LPCAT3: variants seen among roughly 807,000 people sequenced by gnomAD.
LPCAT3 encodes the protein lysophospholipid acyltransferase 5.
In LPCAT3, 21 loss-of-function variants were observed where a neutral mutation model predicts 63.4. That is an observed-to-expected ratio of 0.33 (90% CI 0.23 to 0.48). LPCAT3 has a LOEUF of 0.48. Among genes scored for constraint, LPCAT3 ranks in the 20% least tolerant of loss-of-function variants. The pLI is 0.99. For synonymous variants in LPCAT3, 242 were observed against 227.5 expected, an observed-to-expected ratio of 1.06 and a Z score of -0.58; for missense variants, 451 against 590.6, an observed-to-expected ratio of 0.76 and a Z score of 2.45.
intron 6 of LPCAT3, 46 bp from the exon 7 acceptor site, chr12:6,979,625 A>G (rs782269664): frequency 7.5e-7 from 1 of 1,331,772 alleles, no homozygotes; most frequent in Non-Finnish European, 1.1e-6. Flanking sequence ...AGCAGAGACT[A>G]TTCCCTTCAC....
rs150449667 is a variant in LPCAT3 at position 6,999,380 on chromosome 12, A to T, written c.152-15841T>A. Among the ~76,000 whole-genome samples the T allele has an allele frequency of 2.5e-3, 378 of 152,340 alleles. 2 individuals carry two copies. The highest frequency in any genetic ancestry group is 8.2e-3 in the African/African-American group (339 of 41,586). ...GGACATTTTAAAGGTAAGCTATTGG[A>T]TAGTTGTTACCTGTGAGAAAGAAAG... On this transcript the variant is annotated intron_variant, in intron 1 of 12. Coordinates refer to ENST00000261407, the MANE Select transcript of LPCAT3 (RefSeq NM_005768.6).
chr12:6,978,249 G>A (rs1472569916), intron 9 of LPCAT3, 92 bp downstream of exon 9: 46 of 1,429,360 alleles, frequency 3.2e-5, no homozygotes, highest in Middle Eastern at 2.6e-4. Context: ...TGGGAAAGAC[G>A]CATAGGGGTG....
At chr12:6,993,915 A>G (rs1555155789) in intron 1 of LPCAT3, among the ~76,000 whole-genome samples, 3 of 152,120 alleles carry the variant, frequency 2.0e-5, no homozygotes, top group Non-Finnish European at 2.9e-5. Context: ...CCCAGCCTGG[A>G]TACTCTGCAT....
rs1946544433 is a variant in LPCAT3, at chr12:6,987,962, T to C, written c.152-4423A>G. ...CTACTCTGGGATCAACAGTCACCTC[T>C]TGAACTTTTGGGGTGCTTGGCAATA... On this transcript the variant is annotated intron_variant, in intron 1 of 12. Transcript: ENST00000261407. This position sits in a 1 kb window ranked among gnomAD's most constrained non-coding sequence, Gnocchi z 4.1. The C allele has an allele frequency of 1.0e-5, 4 of 397,670 alleles. No individual in the cohort carries two copies. The highest frequency in any genetic ancestry group is 3.1e-4 in the Middle Eastern group (1 of 3,212). The allele number at this position is 397,670 out of a possible 1,614,324, so 24.6% of individuals were successfully genotyped here. A position where few individuals can be genotyped will look rare whatever the true frequency, so the allele number is the denominator to read the frequency against.
Position 6,977,767 on chromosome 12 carries a change from GC to G in LPCAT3, c.1041-23del, listed in dbSNP as rs1555153503. 1.9e-6 allele frequency: 3 copies of G among 1,613,410 alleles called. No homozygotes were observed. Among genetic ancestry groups the G allele is most frequent in the Admixed American group, 1.7e-5 (1 of 59,996 alleles). On this transcript the variant is annotated intron_variant, in intron 9 of 12. Coordinates refer to ENST00000261407, the MANE Select transcript of LPCAT3 (RefSeq NM_005768.6). The surrounding 1 kb of genome is among the most constrained non-coding windows in gnomAD (Gnocchi z 4.5). ...GTAGCTGGAGAAAAGGGTGGGTGGG[GC>G]GACCCTCAAACTGACTGGTCCTTGC... is the stretch of plus-strand genomic sequence containing the variant.
Position 6,977,718 on chromosome 12 carries a change from A to C in LPCAT3, c.1068T>G (p.Leu356=). The part of the protein sequence containing the change: ...ARYIFKRLKF[L]GNKELSQGLS... ...GACCCTGAGAGAGTTCTTTATTTCC[A>C]AGGAACTTGAGTCGTTTGAAGATGT... Residue 356 remains leucine (L), a synonymous_variant, in exon 10 of 13, where the codon CTT becomes CTG. Coordinates refer to ENST00000261407, the MANE Select transcript of LPCAT3 (RefSeq NM_005768.6). This position sits in a 1 kb window ranked among gnomAD's most constrained non-coding sequence, Gnocchi z 4.5. 1.9e-6 allele frequency: 3 copies of C among 1,614,178 alleles called. No individual in the cohort carries two copies. Among genetic ancestry groups the C allele is most frequent in the Non-Finnish European group, 2.5e-6 (3 of 1,180,038 alleles).
chr12:7,016,578 A>C (rs1019667024), intron 1 of LPCAT3, among the ~76,000 whole-genome samples: 2 of 152,096 alleles, frequency 1.3e-5, no homozygotes, highest in Non-Finnish European at 2.9e-5. Context: ...CGCCTGGCCT[A>C]ATTTTTTGTA....
Position 7,013,306 on chromosome 12 carries a change from C to T in LPCAT3, c.151+4968G>A, listed in dbSNP as rs782331464. 2.0e-5 allele frequency among the ~76,000 whole-genome samples: 3 copies of T among 152,248 alleles called. No homozygotes were observed. The East Asian group carries it at 5.8e-4, about 29-fold the overall frequency. On this transcript the variant is annotated intron_variant, in intron 1 of 12. Coordinates refer to ENST00000261407, the MANE Select transcript of LPCAT3 (RefSeq NM_005768.6). ...TAAAAGGTTGTCAGCTTGCTTGGGACGAGGCTGGGGCAGCAGGCAGGGGCT... is the reference window on the plus strand; with the variant it reads ...TAAAAGGTTGTCAGCTTGCTTGGGATGAGGCTGGGGCAGCAGGCAGGGGCT...
intron 7 of LPCAT3, 24 bp from the exon 8 acceptor site, chr12:6,978,713 A>G (rs782474568): frequency 6.2e-7 from 1 of 1,613,258 alleles, no homozygotes; most frequent in Non-Finnish European, 8.5e-7. Context: ...AGCACAGTGC[A>G]TTAGGGATAT....
At position 6,981,600 on chromosome 12, in the gene LPCAT3, C is replaced by G; in HGVS notation, c.493G>C (p.Asp165His). 1 of 1,614,088 alleles carries G rather than the reference C, an allele frequency of 6.2e-7. No individual in the cohort carries two copies. Among genetic ancestry groups the G allele is most frequent in the Non-Finnish European group, 8.5e-7 (1 of 1,180,006 alleles). Residue 165 changes from aspartate to histidine, a missense_variant, in exon 5 of 13, where the codon GAT (aspartate) becomes CAT (histidine). Physicochemically the swap from Asp to His is moderately conservative, Grantham distance 81. Around this residue, in one of 3 missense-constraint regions of LPCAT3, gnomAD observed 304 missense variants for 390.8 expected, o/e 0.78. Transcript: ENST00000261407. ...LAVDYFDGGK[D>H]QNSLSSEQQK... is the part of the protein sequence containing the mutation. ...GCCGATGAATGGGTACTTACCTGATCTTTCCCTCCGTCAAAGTAGTCAACA... is the reference window on the plus strand; with the variant it reads ...GCCGATGAATGGGTACTTACCTGATGTTTCCCTCCGTCAAAGTAGTCAACA...
At chr12:6,985,252 C>T (rs924395687) in intron 1 of LPCAT3, among the ~76,000 whole-genome samples, 12 of 151,690 alleles carry the variant, frequency 7.9e-5, no homozygotes, top group South Asian at 2.1e-4. Flanking sequence ...AAAAATTAGC[C>T]GGGTGTGGTG....
rs202023054 is a variant in LPCAT3 at position 6,995,136 on chromosome 12, T to A, written c.152-11597A>T. 5.9e-3 allele frequency among the ~76,000 whole-genome samples: 764 copies of A among 130,122 alleles called. 3 individuals carry two copies. The highest frequency in any genetic ancestry group is 0.02 in the African/African-American group (702 of 35,514). The allele number at this position is 130,122 out of a possible 152,430, so 85.4% of individuals were successfully genotyped here. A position where few individuals can be genotyped will look rare whatever the true frequency, so the allele number is the denominator to read the frequency against. Reference sequence around the variant, plus strand: ...CTTCTCTGGGCTTTTTTTTTTTTTTTAAATTAACAGTGTTACCATTCTCCA... The same window carrying A: ...CTTCTCTGGGCTTTTTTTTTTTTTTAAAATTAACAGTGTTACCATTCTCCA... On this transcript the variant is annotated intron_variant, in intron 1 of 12. Transcript: ENST00000261407.
chr12:6,976,993 A>G (rs1946411146), intron 12 of LPCAT3, 102 bp from the exon 13 acceptor site: 1 of 641,712 alleles, frequency 1.6e-6, no homozygotes, highest in South Asian at 1.8e-5. Flanking sequence ...AAGTCACAGT[A>G]GTCATTGCCC....
Position 6,987,003 on chromosome 12 carries a change from C to T in LPCAT3, c.152-3464G>A, listed in dbSNP as rs1458978818. On this transcript the variant is annotated intron_variant, in intron 1 of 12. Coordinates refer to ENST00000261407, the MANE Select transcript of LPCAT3 (RefSeq NM_005768.6). The surrounding 1 kb of genome is among the most constrained non-coding windows in gnomAD (Gnocchi z 4.1). Reference sequence around the variant, plus strand: ...GTGCAGGCACCTGTAATCCCACCTACTTGGGAAGCTGAGGCAGGAGAATTG... The same window carrying T: ...GTGCAGGCACCTGTAATCCCACCTATTTGGGAAGCTGAGGCAGGAGAATTG... Among the ~76,000 whole-genome samples, 3 of 151,782 alleles carry T rather than the reference C, an allele frequency of 2.0e-5. No homozygotes were observed. Among genetic ancestry groups the T allele is most frequent in the Non-Finnish European group, 4.4e-5 (3 of 67,984 alleles).
rs997667214 is a variant in LPCAT3 at position 6,987,784 on chromosome 12, G to A, written c.152-4245C>T. The A allele has an allele frequency of 1.2e-5, 5 of 400,614 alleles. No individual in the cohort carries two copies. Among genetic ancestry groups the A allele is most frequent in the African/African-American group, 1.0e-4 (5 of 48,674 alleles). 24.8% of individuals were successfully genotyped at this position (400,614 alleles called of 1,614,324 possible). A position where few individuals can be genotyped will look rare whatever the true frequency, so the allele number is the denominator to read the frequency against. ...GAATCTAATTTAACATTTTCTAGGT[G>A]TCTGGATCGTATCTATTCCAGAGTA... On this transcript the variant is annotated intron_variant, in intron 1 of 12. Coordinates refer to ENST00000261407, the MANE Select transcript of LPCAT3 (RefSeq NM_005768.6). This position sits in a 1 kb window ranked among gnomAD's most constrained non-coding sequence, Gnocchi z 4.1.
chr12:6,976,884 C>G lies in LPCAT3; in HGVS notation c.*20G>C. The G allele has an allele frequency of 2.3e-6, 1 of 436,958 alleles. No individual in the cohort carries two copies. The highest frequency in any genetic ancestry group is 2.6e-5 in the South Asian group (1 of 38,870). The allele number at this position is 436,958 out of a possible 1,614,324, so 27.1% of individuals were successfully genotyped here. On this transcript the variant is annotated 3_prime_UTR_variant, in exon 13 of 13. Coordinates refer to ENST00000261407, the MANE Select transcript of LPCAT3 (RefSeq NM_005768.6). ...GAGTAGTTTCTGCACCAGTCCCGCACAGGCCACCTGCAAGACAAGAGGAGT... is the reference window on the plus strand; with the variant it reads ...GAGTAGTTTCTGCACCAGTCCCGCAGAGGCCACCTGCAAGACAAGAGGAGT...
chr12:7,013,470 C>G (rs1565607147), intron 1 of LPCAT3, among the ~76,000 whole-genome samples: 1 of 152,136 alleles, frequency 6.6e-6, no homozygotes. Flanking sequence ...TTGGGTGGTG[C>G]TGGTGACAGA....
chr12:6,982,408 T>C (rs937781275), intron 3 of LPCAT3, among the ~76,000 whole-genome samples: 7 of 152,154 alleles, frequency 4.6e-5, no homozygotes, highest in African/African-American at 1.4e-4. Context: ...TGCTCCTGGA[T>C]AGTGGGTTAA....
Position 6,983,422 on chromosome 12 carries a change from G to GT in LPCAT3, c.259+9dup. The GT allele has an allele frequency of 6.4e-7, 1 of 1,560,658 alleles. No individual in the cohort carries two copies. Among genetic ancestry groups the GT allele is most frequent in the South Asian group, 1.1e-5 (1 of 89,680 alleles). ...TAATTGCGGTGTCACTGCTAATTTA[G>GT]TTTACTCACCAAAGTTAAAATAAGC... is the stretch of plus-strand genomic sequence containing the variant. On this transcript the variant is annotated intron_variant, in intron 2 of 12. Transcript: ENST00000261407.
Sources: gnomAD v4.1 joint callset for allele counts (sites outside exome capture counted in the v4.1 genomes callset) on GRCh38, gnomAD v4.1.1 for gene constraint, gnomAD v4.1.1 regional missense constraint, Gnocchi (gnomAD v3.1) non-coding constraint, MANE v1.5 for transcripts, NCBI Gene and HGNC (gene_info 2026-07-23, HGNC 2026-07-21) for gene names.